The following RASSF8 variants were observed in gnomAD, a reference collection of about 807,000 sequenced individuals.
RASSF8 encodes Ras association domain family member 8.
RASSF8 carries 22 observed loss-of-function variants against 48.5 expected under a neutral mutation model. That is an observed-to-expected ratio of 0.45 (90% CI 0.32 to 0.65). The LOEUF (loss-of-function observed/expected upper bound fraction) is 0.65. Among genes scored for constraint, RASSF8 ranks in the 30% least tolerant of loss-of-function variants. The pLI is 0.03. For synonymous variants in RASSF8, 127 were observed against 171.5 expected (o/e 0.74, Z 2.03); for missense variants, 418 against 489.2 (o/e 0.85, Z 1.37).
chr12:26,073,586 C>T (rs1944037712), downstream of RASSF8, among the ~76,000 whole-genome samples: 1 of 151,904 alleles, frequency 6.6e-6, no homozygotes, highest in South Asian at 2.1e-4. Flanking sequence ...AAAGTAAAAA[C>T]AAAATAGCTG....
intron 2 of RASSF8, among the ~76,000 whole-genome samples, chr12:25,999,373 C>T (rs185845305): frequency 4.3e-4 from 65 of 152,276 alleles, no homozygotes; most frequent in Admixed American, 3.9e-3. Flanking sequence ...AGATCAAGCT[C>T]AGCCAAAATA....
At chr12:25,966,022 T>C (rs1310930398) in intron 1 of RASSF8, among the ~76,000 whole-genome samples, 1 of 152,226 alleles carries the variant, frequency 6.6e-6, no homozygotes, top group African/African-American at 2.4e-5. Flanking sequence ...TATAGACATA[T>C]ACTTTCATTT....
At position 26,068,951 on chromosome 12, in the gene RASSF8, A is replaced by G. The variant is rs1163772361; in HGVS notation, c.*133A>G. The G allele has an allele frequency of 7.0e-7, 1 of 1,437,362 alleles. No individual in the cohort carries two copies. Among genetic ancestry groups the G allele is most frequent in the East Asian group, 2.6e-5 (1 of 38,550 alleles). The allele number at this position is 1,437,362 out of a possible 1,614,324, so 89.0% of individuals were successfully genotyped here. A position where few individuals can be genotyped will look rare whatever the true frequency, so the allele number is the denominator to read the frequency against. On this transcript the variant is annotated 3_prime_UTR_variant, in exon 6 of 6. Coordinates refer to ENST00000689635, the MANE Select transcript of RASSF8 (RefSeq NM_001394098.1). ...ATGTTTTTTCTCTCCTAAATTGCAT[A>G]CCACTTGGAGCCATACCCTGTGCAC...
chr12:26,019,597 G>C (rs866975285), intron 2 of RASSF8, among the ~76,000 whole-genome samples: 7 of 124,300 alleles, frequency 5.6e-5, no homozygotes, highest in South Asian at 2.4e-4. Flanking sequence ...GTGTGTGTGT[G>C]TGTGTGTCTG....
chr12:26,018,350 T>A (rs1465945040), intron 2 of RASSF8, among the ~76,000 whole-genome samples: 1 of 152,152 alleles, frequency 6.6e-6, no homozygotes, highest in Non-Finnish European at 1.5e-5. Flanking sequence ...TTTTAATAAA[T>A]CAATTTTTTA....
At chr12:26,052,465 T>G (rs187354663) in intron 2 of RASSF8, 1 of 152,330 alleles carries the variant, frequency 6.6e-6, no homozygotes, top group Admixed American at 6.5e-5. Context: ...TGAACTATAT[T>G]AAAACCTTTG....
Position 26,067,794 on chromosome 12 carries a change from T to C in RASSF8, c.1138+81T>C, listed in dbSNP as rs1272313854. 20 of 1,551,426 alleles carry C rather than the reference T, an allele frequency of 1.3e-5. No individual in the cohort carries two copies. In the East Asian group the frequency reaches 4.5e-4, roughly 35 times the overall value. ...TTTGTTTTTGTTTTTTGAGATAGTATCACTGTATCGCCCAGGCTGGAATGC... is the reference window on the plus strand; with the variant it reads ...TTTGTTTTTGTTTTTTGAGATAGTACCACTGTATCGCCCAGGCTGGAATGC... On this transcript the variant is annotated intron_variant, in intron 5 of 5. Transcript: ENST00000689635.
chr12:26,002,500 G>A (rs1192649996), intron 2 of RASSF8, among the ~76,000 whole-genome samples: 2 of 151,828 alleles, frequency 1.3e-5, no homozygotes, highest in Non-Finnish European at 2.9e-5. Context: ...TATTGGCCAG[G>A]CACAGTGGCT....
chr12:26,067,979 C>G (rs1943917158), intron 5 of RASSF8, among the ~76,000 whole-genome samples: 1 of 152,022 alleles, frequency 6.6e-6, no homozygotes, highest in Non-Finnish European at 1.5e-5. Flanking sequence ...TCATATTGCC[C>G]AGACTAGTCT....
rs567334031 is a variant in RASSF8, at chr12:26,032,297, A to C, written c.-108-22939A>C. Reference sequence around the variant, plus strand: ...CATTTTCCCCGAAAGGAAGTGGGAGAAATTTGAGTCATTAATATACATTAA... The same window carrying C: ...CATTTTCCCCGAAAGGAAGTGGGAGCAATTTGAGTCATTAATATACATTAA... On this transcript the variant is annotated intron_variant, in intron 2 of 5. Transcript: ENST00000689635. Among the ~76,000 whole-genome samples, 1,149 of 152,246 alleles carry C rather than the reference A, an allele frequency of 7.5e-3. 9 individuals carry two copies. The highest frequency in any genetic ancestry group is 0.013 in the South Asian group (65 of 4,818).
Position 26,070,402 on chromosome 12 carries a change from A to G in RASSF8, c.*1584A>G. 1 of 985,408 alleles carries G rather than the reference A, an allele frequency of 1.0e-6. No individual in the cohort carries two copies. The highest frequency in any genetic ancestry group is 1.2e-6 in the Non-Finnish European group (1 of 829,894). The allele number at this position is 985,408 out of a possible 1,614,324, so 61.0% of individuals were successfully genotyped here. ...AGAAGCTTCTAGAGAACTGAAAGTC[A>G]TAATGCAGAGTTGCCTTTTCTAGTG... On this transcript the variant is annotated 3_prime_UTR_variant, in exon 6 of 6. Transcript: ENST00000689635.
chr12:25,967,911 A>G (rs1441651946), intron 1 of RASSF8, among the ~76,000 whole-genome samples: 2 of 152,212 alleles, frequency 1.3e-5, no homozygotes, highest in Non-Finnish European at 2.9e-5. Context: ...GGATGGGAGA[A>G]GAGCTCCTCA....
intron 2 of RASSF8, among the ~76,000 whole-genome samples, chr12:25,999,699 A>AT (rs1942211799): frequency 6.6e-6 from 1 of 152,250 alleles, no homozygotes; most frequent in Non-Finnish European, 1.5e-5. Context: ...GAGACTAAAA[A>AT]TTATTTGCAG....
At chr12:26,004,691 G>A (rs1942343700) in intron 2 of RASSF8, among the ~76,000 whole-genome samples, 1 of 151,902 alleles carries the variant, frequency 6.6e-6, no homozygotes. Context: ...CATCAGAAAG[G>A]TCTTCATGTT....
At chr12:25,976,194 C>G (rs1007366067) in intron 1 of RASSF8, among the ~76,000 whole-genome samples, 1 of 152,120 alleles carries the variant, frequency 6.6e-6, no homozygotes, top group South Asian at 2.1e-4. Flanking sequence ...GATCGACTTC[C>G]TAGGACTAAA....
chr12:26,070,593 C>G lies in RASSF8; in HGVS notation c.*1775C>G. 4 of 962,866 alleles carry G rather than the reference C, an allele frequency of 4.2e-6. No individual in the cohort carries two copies. The highest frequency in any genetic ancestry group is 4.9e-6 in the Non-Finnish European group (4 of 809,556). 59.6% of individuals were successfully genotyped at this position (962,866 alleles called of 1,614,324 possible). A position where few individuals can be genotyped will look rare whatever the true frequency, so the allele number is the denominator to read the frequency against. The stretch of plus-strand genomic sequence containing the variant: ...GCTCACAATTTATAGTAGTTATTTT[C>G]TATCTACCTATATTTAAAATTAGGA... On this transcript the variant is annotated 3_prime_UTR_variant, in exon 6 of 6. Transcript: ENST00000689635.
At chr12:26,000,261 G>T (rs1005302427) in intron 2 of RASSF8, among the ~76,000 whole-genome samples, 1 of 152,078 alleles carries the variant, frequency 6.6e-6, no homozygotes, top group South Asian at 2.1e-4. Context: ...AATAATGAAT[G>T]TAAAAATGTA....
At chr12:25,961,983 C>T (rs544086475) in intron 1 of RASSF8, among the ~76,000 whole-genome samples, 12 of 152,204 alleles carry the variant, frequency 7.9e-5, no homozygotes, top group Non-Finnish European at 1.3e-4. Context: ...ACTGTATTAT[C>T]TTTTTCCTTG....
chr12:26,026,335 C>T (rs144277944), intron 2 of RASSF8, among the ~76,000 whole-genome samples: 1 of 152,042 alleles, frequency 6.6e-6, no homozygotes, highest in Non-Finnish European at 1.5e-5. Flanking sequence ...GTACAAATGG[C>T]CAATCAGCAA....
Sources: allele counts gnomAD v4.1 joint callset (sites outside exome capture counted in the v4.1 genomes callset), GRCh38; gene constraint gnomAD v4.1.1; transcripts MANE v1.5; gene names NCBI Gene and HGNC (gene_info 2026-07-23, HGNC 2026-07-21).